Variants in SEMA3A observed in about 807,000 individuals in gnomAD.
SEMA3A encodes semaphorin 3A, also known as semaphorin-3A.
A neutral mutation model predicts 97.9 loss-of-function variants in SEMA3A; 29 were observed. That is an observed-to-expected ratio of 0.30 (90% CI 0.22 to 0.40). The LOEUF (loss-of-function observed/expected upper bound fraction) is 0.40. Ranked by LOEUF, SEMA3A falls within the 10% of genes least tolerant of loss-of-function variation. The pLI is 1.00. For missense variants in SEMA3A, 763 were observed against 951.3 expected (o/e 0.80, Z 2.60); for synonymous variants, 321 against 323.7 (o/e 0.99, Z 0.09).
At chr7:83,993,963 T>C (rs1478540051) in intron 12 of SEMA3A, among the ~76,000 whole-genome samples, 3 of 124,988 alleles carry the variant, frequency 2.4e-5, no homozygotes, top group Non-Finnish European at 5.0e-5. Context: ...CAATCAGACG[T>C]AGATTTGGTC....
intron 4 of SEMA3A, among the ~76,000 whole-genome samples, chr7:84,092,361 T>C (rs570127011): frequency 1.3e-5 from 2 of 152,126 alleles, no homozygotes; most frequent in Non-Finnish European, 2.9e-5. Context: ...TACATACGAA[T>C]GCCTTTGTTT....
intron 3 of SEMA3A, among the ~76,000 whole-genome samples, chr7:84,255,028 C>T (rs1799687662): frequency 6.6e-6 from 1 of 152,030 alleles, no homozygotes; most frequent in African/African-American, 2.4e-5. Context: ...AAGTGAAAAG[C>T]AGACAGAAGT....
At chr7:84,065,558 A>G (rs2115721033) in intron 4 of SEMA3A, among the ~76,000 whole-genome samples, 1 of 148,162 alleles carries the variant, frequency 6.7e-6, no homozygotes, top group South Asian at 2.2e-4. Context: ...GAAGAATCAA[A>G]TAGACGCAAT....
At chr7:84,296,157 G>A (rs1800865676) in intron 3 of SEMA3A, among the ~76,000 whole-genome samples, 1 of 152,108 alleles carries the variant, frequency 6.6e-6, no homozygotes, top group Admixed American at 6.6e-5. Flanking sequence ...TCAGTTACCT[G>A]AGTAGCTGGG....
chr7:83,996,596 C>T (rs1790230833), intron 12 of SEMA3A, among the ~76,000 whole-genome samples: 1 of 152,136 alleles, frequency 6.6e-6, no homozygotes. Flanking sequence ...CCACCACGCC[C>T]AGCCTTTACT....
At chr7:84,047,688 A>C (rs541892023) in intron 5 of SEMA3A, among the ~76,000 whole-genome samples, 1 of 152,206 alleles carries the variant, frequency 6.6e-6, no homozygotes, top group African/African-American at 2.4e-5. Context: ...TGACAACTAC[A>C]GTATATCTTA....
intron 3 of SEMA3A, among the ~76,000 whole-genome samples, chr7:84,239,647 TA>T (rs572499900): frequency 5.3e-5 from 8 of 152,090 alleles, no homozygotes; most frequent in Non-Finnish European, 1.2e-4. Flanking sequence ...AATTGGATCG[TA>T]AAAAAACAAC....
Position 84,368,411 on chromosome 7 carries a change from G to T in SEMA3A, c.-169+3413C>A, listed in dbSNP as rs1413459279. On this transcript the variant is annotated intron_variant, in intron 2 of 3. Transcript: ENST00000424555. Reference sequence around the variant, plus strand: ...ACATGTTATTTATCTTTGTAATGAGGTTTACAAGGATAAAGATAATTTTAA... The same window carrying T: ...ACATGTTATTTATCTTTGTAATGAGTTTTACAAGGATAAAGATAATTTTAA... Among the ~76,000 whole-genome samples the T allele has an allele frequency of 3.3e-5, 5 of 150,870 alleles. No individual in the cohort carries two copies. The Admixed American group carries it at 3.3e-4, about 10-fold the overall frequency.
At chr7:84,442,311 A>T (rs1805291532) in intron 1 of SEMA3A, among the ~76,000 whole-genome samples, 1 of 152,154 alleles carries the variant, frequency 6.6e-6, no homozygotes, top group Admixed American at 6.5e-5. Context: ...GTTAATTTTT[A>T]ACATCCAAAA....
chr7:84,264,770 A>G (rs1391130330), intron 3 of SEMA3A, among the ~76,000 whole-genome samples: 1 of 152,158 alleles, frequency 6.6e-6, no homozygotes, highest in Non-Finnish European at 1.5e-5. Flanking sequence ...TCAGTCTTCT[A>G]TCTTTTCTGT....
intron 1 of SEMA3A, among the ~76,000 whole-genome samples, chr7:84,382,043 T>C (rs1394621806): frequency 6.6e-6 from 1 of 152,166 alleles, no homozygotes; most frequent in Non-Finnish European, 1.5e-5. Flanking sequence ...CAAGAAGGAC[T>C]GGCTTCATTC....
At chr7:84,286,565 A>T in intron 3 of SEMA3A, among the ~76,000 whole-genome samples, 1 of 152,170 alleles carries the variant, frequency 6.6e-6, no homozygotes, top group East Asian at 1.9e-4. Context: ...ATAGCTAATT[A>T]TTTTTTGACA....
intron 2 of SEMA3A, among the ~76,000 whole-genome samples, chr7:84,360,924 T>C (rs939201545): frequency 2.0e-5 from 3 of 151,966 alleles, no homozygotes; most frequent in African/African-American, 7.2e-5. Flanking sequence ...TAAACAACAC[T>C]CTACAAATCT....
At chr7:84,298,796 G>A (rs1035400735) in intron 3 of SEMA3A, among the ~76,000 whole-genome samples, 1 of 152,156 alleles carries the variant, frequency 6.6e-6, no homozygotes, top group African/African-American at 2.4e-5. Context: ...TGTTGCCAAA[G>A]GAGATTAACA....
intron 4 of SEMA3A, among the ~76,000 whole-genome samples, chr7:84,085,177 G>A (rs757613411): frequency 4.6e-5 from 7 of 151,902 alleles, no homozygotes; most frequent in Non-Finnish European, 8.8e-5. Flanking sequence ...GGAATGTTAA[G>A]CATAAGGGTC....
At chr7:83,965,563 G>A (rs1198284962) in intron 15 of SEMA3A, among the ~76,000 whole-genome samples, 1 of 134,318 alleles carries the variant, frequency 7.4e-6, no homozygotes, top group African/African-American at 2.7e-5. Flanking sequence ...CAGATAAGAG[G>A]AGTCACGTAA....
intron 13 of SEMA3A, among the ~76,000 whole-genome samples, chr7:83,984,515 A>G (rs1323438331): frequency 1.3e-5 from 2 of 151,978 alleles, no homozygotes; most frequent in Non-Finnish European, 2.9e-5. Flanking sequence ...GTTCAGAAAT[A>G]AGATTTGCCA....
intron 1 of SEMA3A, among the ~76,000 whole-genome samples, chr7:84,387,666 G>A (rs1444869594): frequency 2.6e-5 from 4 of 152,114 alleles, no homozygotes; most frequent in Admixed American, 2.6e-4. Flanking sequence ...ATCAGAAAAT[G>A]GGTTTTGACT....
At chr7:84,390,757 A>T (rs917402980) in intron 1 of SEMA3A, among the ~76,000 whole-genome samples, 13 of 152,172 alleles carry the variant, frequency 8.5e-5, no homozygotes, top group African/African-American at 2.9e-4. Flanking sequence ...ATTAAGATTT[A>T]GTGAAATATT....
Sources: allele counts gnomAD v4.1 joint callset (sites outside exome capture counted in the v4.1 genomes callset), GRCh38; gene constraint gnomAD v4.1.1; transcripts MANE v1.5; gene names NCBI Gene and HGNC (gene_info 2026-07-23, HGNC 2026-07-21).